The following TRAK1 variants were observed in gnomAD, a reference collection of about 807,000 sequenced individuals.
TRAK1 encodes trafficking kinesin-binding protein 1.
In TRAK1, 33 loss-of-function variants were observed where a neutral mutation model predicts 92.1. That is an observed-to-expected ratio of 0.36 (90% CI 0.27 to 0.48). The LOEUF is 0.48. TRAK1 is among the 20% of genes least tolerant of loss of function. The pLI, the probability that TRAK1 is intolerant of heterozygous loss-of-function variation, is 0.99. For missense variants in TRAK1, 1,123 were observed against 1,257.9 expected, an observed-to-expected ratio of 0.89 and a Z score of 1.62; for synonymous variants, 521 against 517.3, an observed-to-expected ratio of 1.01 and a Z score of -0.10.
intron 14 of TRAK1, chr3:42,217,844 A>G (rs540287525): frequency 2.0e-6 from 2 of 985,270 alleles, no homozygotes; most frequent in South Asian, 4.7e-5. Flanking sequence ...CCTTCTCTTC[A>G]TAGCTTACTC....
chr3:42,128,355 A>G (rs1024646021), intron 2 of TRAK1, among the ~76,000 whole-genome samples: 2 of 152,238 alleles, frequency 1.3e-5, no homozygotes, highest in Non-Finnish European at 2.9e-5. Flanking sequence ...CATTGAGCAG[A>G]GATTCTGAAA....
At chr3:42,014,281 A>G (rs913154903) in intron 1 of TRAK1, among the ~76,000 whole-genome samples, 1 of 152,208 alleles carries the variant, frequency 6.6e-6, no homozygotes, top group Non-Finnish European at 1.5e-5. Flanking sequence ...CCGCACCTGC[A>G]GGAGGCCCTC....
At chr3:42,148,811 A>G (rs970469973) in intron 2 of TRAK1, among the ~76,000 whole-genome samples, 21 of 152,328 alleles carry the variant, frequency 1.4e-4, no homozygotes, top group Admixed American at 5.2e-4. Context: ...GTCAAAAATT[A>G]TAGAAGATGT....
At chr3:42,072,830 G>A (rs1468811827) in intron 1 of TRAK1, among the ~76,000 whole-genome samples, 2 of 152,142 alleles carry the variant, frequency 1.3e-5, no homozygotes, top group East Asian at 3.8e-4. Flanking sequence ...GCTGGATTCT[G>A]GAACTAAATT....
rs75424309 is a variant in TRAK1, at chr3:42,117,015, T to C, written c.92-8405T>C. On this transcript the variant is annotated intron_variant, in intron 1 of 15. Transcript: ENST00000327628. ...GCCCTCAGTATTCAACATTTAGAAA[T>C]CAGGGACTCTCATAAAAATACAGAT... Among the ~76,000 whole-genome samples, 596 of 152,112 alleles carry C rather than the reference T, an allele frequency of 3.9e-3. 10 individuals carry two copies. The highest frequency in any genetic ancestry group is 0.022 in the South Asian group (106 of 4,812).
At chr3:42,127,040 G>T (rs1429488012) in intron 2 of TRAK1, among the ~76,000 whole-genome samples, 1 of 152,122 alleles carries the variant, frequency 6.6e-6, no homozygotes, top group African/African-American at 2.4e-5. Context: ...AATGTGTCTT[G>T]TAGCATATAG....
intron 1 of TRAK1, among the ~76,000 whole-genome samples, chr3:42,103,229 G>T (rs990549579): frequency 6.6e-6 from 1 of 152,098 alleles, no homozygotes; most frequent in Admixed American, 6.6e-5. Context: ...GTGCGGTGGC[G>T]TGATCTTGGC....
chr3:42,201,072 T>G lies in TRAK1; in HGVS notation c.1427+18T>G, dbSNP rs181925187. On this transcript the variant is annotated intron_variant, in intron 12 of 15. Transcript: ENST00000327628. ...GACCTGGGGTGAGCAAGCTGGGAGT[T>G]TTCACTTCTCTGTTTTGGGGTGAGG... 15 of 1,612,546 alleles carry G rather than the reference T, an allele frequency of 9.3e-6. No individual in the cohort carries two copies. The African/African-American group carries it at 1.7e-4, about 19-fold the overall frequency.
At chr3:42,117,283 G>T (rs549795711) in intron 1 of TRAK1, among the ~76,000 whole-genome samples, 2 of 152,236 alleles carry the variant, frequency 1.3e-5, no homozygotes, top group South Asian at 2.1e-4. Context: ...CGAAGTTGAG[G>T]GGGCAGAACC....
At chr3:42,078,101 G>C (rs1704243205) in intron 1 of TRAK1, among the ~76,000 whole-genome samples, 2 of 152,208 alleles carry the variant, frequency 1.3e-5, no homozygotes, top group African/African-American at 4.8e-5. Context: ...GGCCTGTCTG[G>C]TATGTTAGAT....
intron 14 of TRAK1, chr3:42,218,090 T>C: frequency 1.0e-6 from 1 of 985,322 alleles, no homozygotes; most frequent in East Asian, 1.1e-4. Context: ...ACCTTAAAAA[T>C]CAGGGCAAAC....
chr3:42,144,543 T>G (rs1333063082), intron 2 of TRAK1, among the ~76,000 whole-genome samples: 1 of 152,244 alleles, frequency 6.6e-6, no homozygotes, highest in African/African-American at 2.4e-5. Flanking sequence ...TCTGTTATTT[T>G]TTACTTGTTT....
chr3:42,106,786 T>TA (rs1304218298), intron 1 of TRAK1, among the ~76,000 whole-genome samples: 1 of 152,238 alleles, frequency 6.6e-6, no homozygotes, highest in Non-Finnish European at 1.5e-5. Flanking sequence ...GTCAGACTAA[T>TA]ATTTTTTGGA....
upstream of TRAK1, among the ~76,000 whole-genome samples, chr3:42,082,943 G>A (rs950859545): frequency 2.0e-5 from 3 of 152,166 alleles, no homozygotes; most frequent in African/African-American, 7.2e-5. Context: ...CTCTTGGCTT[G>A]GTTGACTTGT....
chr3:42,136,848 A>G (rs2149198621), intron 2 of TRAK1, among the ~76,000 whole-genome samples: 1 of 152,086 alleles, frequency 6.6e-6, no homozygotes, highest in Non-Finnish European at 1.5e-5. Flanking sequence ...ACACCAGGCT[A>G]ATTTTTGTGT....
At chr3:42,034,877 C>T (rs1443923207) in intron 1 of TRAK1, among the ~76,000 whole-genome samples, 1 of 152,072 alleles carries the variant, frequency 6.6e-6, no homozygotes, top group East Asian at 1.9e-4. Context: ...AGGAGCAGCA[C>T]TTAGTCCATT....
chr3:42,108,027 A>G (rs766833369), intron 1 of TRAK1, among the ~76,000 whole-genome samples: 1 of 151,980 alleles, frequency 6.6e-6, no homozygotes, highest in Non-Finnish European at 1.5e-5. Context: ...AAAGGCTCTC[A>G]CACCAGTGCT....
intron 1 of TRAK1, among the ~76,000 whole-genome samples, chr3:42,045,513 C>T (rs142425640): frequency 6.2e-4 from 95 of 152,230 alleles, no homozygotes; most frequent in African/African-American, 2.1e-3. Flanking sequence ...CTAGCTTGGG[C>T]GACAGAGCAA....
chr3:42,117,198 C>A (rs895666265), intron 1 of TRAK1, among the ~76,000 whole-genome samples: 22 of 152,098 alleles, frequency 1.4e-4, no homozygotes, highest in Non-Finnish European at 2.6e-4. Flanking sequence ...TTTTCTGCAG[C>A]CACTTACCTT....
Sources: allele counts gnomAD v4.1 joint callset (sites outside exome capture counted in the v4.1 genomes callset), GRCh38; gene constraint gnomAD v4.1.1; transcripts MANE v1.5; gene names NCBI Gene and HGNC (gene_info 2026-07-23, HGNC 2026-07-21).